Variants in ANKFN1 observed in about 807,000 individuals in gnomAD.
ANKFN1 encodes the protein ankyrin repeat and fibronectin type III domain containing 1, also known as ankyrin repeat and fibronectin type-III domain-containing protein 1.
In ANKFN1, 74 loss-of-function variants were observed where a neutral mutation model predicts 108.7. That is an observed-to-expected ratio of 0.68 (90% CI 0.56 to 0.83). The LOEUF (loss-of-function observed/expected upper bound fraction) is 0.83, where lower values mean the gene tolerates loss of function less well. Among genes scored for constraint, ANKFN1 ranks in the 40% least tolerant of loss-of-function variants. The pLI, the probability that ANKFN1 is intolerant of heterozygous loss-of-function variation, is 0.00. For synonymous variants in ANKFN1, 547 were observed against 516.2 expected (o/e 1.06, Z -0.81); for missense variants, 1,505 against 1,382.3 (o/e 1.09, Z -1.41).
intron 1 of ANKFN1, 128 bp downstream of exon 1, chr17:56,153,658 T>G: frequency 7.8e-7 from 1 of 1,280,956 alleles, no homozygotes; most frequent in South Asian, 1.2e-5. Context: ...GCATCCATGG[T>G]CAGGCAGAGG....
At chr17:56,181,160 T>C (rs1911643803) in intron 1 of ANKFN1, among the ~76,000 whole-genome samples, 1 of 152,200 alleles carries the variant, frequency 6.6e-6, no homozygotes, top group Non-Finnish European at 1.5e-5. Flanking sequence ...ATAATGTCAA[T>C]ATATCTATAG....
chr17:56,313,676 G>C (rs1288524840), intron 3 of ANKFN1, among the ~76,000 whole-genome samples: 1 of 152,138 alleles, frequency 6.6e-6, no homozygotes, highest in African/African-American at 2.4e-5. Context: ...TCTATCAAAT[G>C]ATAACAACTC....
At chr17:56,129,246 T>C (rs1309236926) in intron 4 of ANKFN1, among the ~76,000 whole-genome samples, 1 of 152,202 alleles carries the variant, frequency 6.6e-6, no homozygotes, top group Non-Finnish European at 1.5e-5. Context: ...ATGACGCTTC[T>C]TCTCATCAAC....
chr17:56,482,286 G>A, intron 17 of ANKFN1, 70 bp from the exon 18 acceptor site: 1 of 1,352,436 alleles, frequency 7.4e-7, no homozygotes, highest in African/African-American at 1.5e-5. Flanking sequence ...TTTTATGCCA[G>A]TTTGGTGTTG....
At chr17:56,491,756 G>C (rs1312069971) in intron 18 of ANKFN1, among the ~76,000 whole-genome samples, 1 of 152,188 alleles carries the variant, frequency 6.6e-6, no homozygotes, top group Non-Finnish European at 1.5e-5. Flanking sequence ...CCTTGGAAAG[G>C]AGTAGGCAAG....
upstream of ANKFN1, among the ~76,000 whole-genome samples, chr17:56,149,866 C>T (rs1377614693): frequency 6.6e-6 from 1 of 152,252 alleles, no homozygotes; most frequent in African/African-American, 2.4e-5. Context: ...GGAAGACTGC[C>T]TCTGGAGCTG....
intron 1 of ANKFN1, among the ~76,000 whole-genome samples, chr17:56,204,725 G>T (rs897416184): frequency 2.0e-5 from 3 of 152,064 alleles, no homozygotes; most frequent in African/African-American, 7.2e-5. Context: ...AACCCTTTTT[G>T]TGAGCTTTGC....
chr17:56,371,475 T>TA (rs1355552547), intron 6 of ANKFN1, among the ~76,000 whole-genome samples: 15 of 152,348 alleles, frequency 9.8e-5, no homozygotes, highest in Middle Eastern at 3.4e-3. Context: ...TCACTTGAGT[T>TA]ATCTTCACAA....
chr17:56,048,202 G>A (rs1423135186), intron 4 of ANKFN1, among the ~76,000 whole-genome samples: 1 of 152,102 alleles, frequency 6.6e-6, no homozygotes, highest in Non-Finnish European at 1.5e-5. Flanking sequence ...ATATGGATAT[G>A]CTGTAATCTG....
chr17:56,259,188 G>C (rs192038413), intron 3 of ANKFN1, among the ~76,000 whole-genome samples: 16 of 152,284 alleles, frequency 1.1e-4, no homozygotes, highest in African/African-American at 3.4e-4. Context: ...GGTGAAGCCA[G>C]TACTCAAACA....
chr17:56,299,280 T>C (rs1392999691), intron 3 of ANKFN1, among the ~76,000 whole-genome samples: 1 of 152,120 alleles, frequency 6.6e-6, no homozygotes, highest in East Asian at 1.9e-4. Flanking sequence ...TCTCCCCGCA[T>C]CTCTCCAATA....
intron 6 of ANKFN1, among the ~76,000 whole-genome samples, chr17:56,354,910 C>A (rs574466062): frequency 2.1e-4 from 32 of 152,288 alleles, no homozygotes; most frequent in African/African-American, 7.0e-4. Flanking sequence ...GCATATATTT[C>A]TTCAACATAC....
At chr17:56,465,362 T>A (rs1479335688) in intron 14 of ANKFN1, among the ~76,000 whole-genome samples, 1 of 152,202 alleles carries the variant, frequency 6.6e-6, no homozygotes, top group Non-Finnish European at 1.5e-5. Flanking sequence ...TCGGCCGCAG[T>A]CCCTACCTGT....
chr17:56,365,096 G>A (rs1486167618), intron 6 of ANKFN1, among the ~76,000 whole-genome samples: 2 of 152,250 alleles, frequency 1.3e-5, no homozygotes, highest in East Asian at 3.9e-4. Context: ...CAAGTCAGTA[G>A]TGAAGTTGTT....
intron 3 of ANKFN1, among the ~76,000 whole-genome samples, chr17:56,299,030 T>G (rs2044597807): frequency 6.6e-6 from 1 of 152,232 alleles, no homozygotes; most frequent in Non-Finnish European, 1.5e-5. Context: ...AGAGGCTATG[T>G]TGTGCAAAAA....
intron 4 of ANKFN1, among the ~76,000 whole-genome samples, chr17:56,126,108 A>G (rs921585829): frequency 1.3e-5 from 2 of 152,238 alleles, no homozygotes; most frequent in African/African-American, 4.8e-5. Context: ...CAAGGAGCTC[A>G]CTGCAAAGTC....
intron 4 of ANKFN1, among the ~76,000 whole-genome samples, chr17:56,327,820 A>G (rs1288360646): frequency 6.6e-6 from 1 of 152,196 alleles, no homozygotes; most frequent in Non-Finnish European, 1.5e-5. Flanking sequence ...TTCATGAGAA[A>G]CTACTTTAGG....
At chr17:56,339,446 C>A (rs2045904655) in intron 4 of ANKFN1, among the ~76,000 whole-genome samples, 1 of 151,666 alleles carries the variant, frequency 6.6e-6, no homozygotes, top group African/African-American at 2.4e-5. Flanking sequence ...TTTTCCTGAT[C>A]CTCTCCCTCT....
At chr17:56,381,518 A>G (rs953407950) in intron 8 of ANKFN1, among the ~76,000 whole-genome samples, 8 of 152,224 alleles carry the variant, frequency 5.3e-5, no homozygotes, top group African/African-American at 1.7e-4. Flanking sequence ...AACCAAAGGC[A>G]AACAAGTTGA....
Sources: allele counts gnomAD v4.1 joint callset (sites outside exome capture counted in the v4.1 genomes callset), GRCh38; gene constraint gnomAD v4.1.1; transcripts MANE v1.5; gene names NCBI Gene and HGNC (gene_info 2026-07-23, HGNC 2026-07-21).